The following DNAH1 variants were observed in gnomAD, a reference collection of about 807,000 sequenced individuals.
DNAH1 encodes the protein axonemal beta dynein heavy chain 1.
A neutral mutation model predicts 484.3 loss-of-function variants in DNAH1; 327 were observed. The ratio of observed to expected loss-of-function variants is 0.68; its 90% CI spans 0.62 to 0.74. The LOEUF is 0.74. DNAH1 is among the 30% of genes least tolerant of loss of function. The pLI, the probability that DNAH1 is intolerant of heterozygous loss-of-function variation, is 0.00. For missense variants in DNAH1, 5,052 were observed against 5,546.8 expected (o/e 0.91, Z 2.83); for synonymous variants, 2,192 against 2,191.9 (o/e 1.00, Z 0.00).
At chr3:52,375,467 G>T in intron 45 of DNAH1, 54 bp downstream of exon 45, 1 of 1,574,102 alleles carries the variant, frequency 6.4e-7, no homozygotes, top group Non-Finnish European at 8.6e-7. Flanking sequence ...GGCCAGGGAG[G>T]CCACACCAAG....
intron 34 of DNAH1, among the ~76,000 whole-genome samples, chr3:52,365,523 C>T (rs1272295066): frequency 1.3e-5 from 2 of 152,198 alleles, no homozygotes; most frequent in Admixed American, 6.5e-5. Context: ...GTTGCAAAGG[C>T]CACCATGTGT....
At position 52,371,955 on chromosome 3, in the gene DNAH1, G is replaced by A. The variant is rs1274947453; in HGVS notation, c.6535G>A (p.Val2179Met). ...CCACCTATGATTCCAGGTTGCCTGG[G>A]TGAAGTGGATGGACTCCTCAGCTCC... ...EEEEYKQVAWVKWMDSSAPFT... is the reference protein window; with the variant it reads ...EEEEYKQVAWMKWMDSSAPFT... The change falls in exon 42 of 78, where the codon GTG becomes ATG. Residue 2179 changes from valine to methionine, a missense_variant. By Grantham distance (21) the Val-to-Met change is conservative. Transcript: ENST00000420323. 6.2e-7 allele frequency: 1 copy of A among 1,613,430 alleles called. No individual in the cohort carries two copies. The highest frequency in any genetic ancestry group is 8.5e-7 in the Non-Finnish European group (1 of 1,179,776).
intron 65 of DNAH1, 108 bp from the exon 66 acceptor site, chr3:52,393,226 C>A: frequency 3.9e-6 from 6 of 1,549,916 alleles, no homozygotes; most frequent in Non-Finnish European, 5.3e-6. Context: ...CAAGAGGAGG[C>A]CCAGGCTGCC....
At position 52,357,928 on chromosome 3, in the gene DNAH1, A is replaced by G; in HGVS notation, c.4011A>G (p.Leu1337=). ...ACTTCCTGTCAGATGATGAACTACT[A>G]GAGATCTTGTCGCAGACAAAGGACC... ...RFYFLSDDEL[L]EILSQTKDPT... is the part of the protein sequence containing the mutation. The change falls in exon 24 of 78, where the codon CTA becomes CTG. Residue 1337 remains leucine, a synonymous_variant. Transcript: ENST00000420323. 1 of 1,613,130 alleles carries G rather than the reference A, an allele frequency of 6.2e-7. No homozygotes were observed. The highest frequency in any genetic ancestry group is 8.5e-7 in the Non-Finnish European group (1 of 1,179,696).
chr3:52,362,981 A>G lies in DNAH1; in HGVS notation c.5095-14A>G, dbSNP rs1240412989. 1 of 1,612,450 alleles carries G rather than the reference A, an allele frequency of 6.2e-7. No individual in the cohort carries two copies. The highest frequency in any genetic ancestry group is 8.5e-7 in the Non-Finnish European group (1 of 1,179,378). ...AGCTCTGTTTGCTGTTCACATGTGCACTGTGTGTCCCAGGCGCTCTTCCGA... is the reference window on the plus strand; with the variant it reads ...AGCTCTGTTTGCTGTTCACATGTGCGCTGTGTGTCCCAGGCGCTCTTCCGA... On this transcript the variant is annotated splice_polypyrimidine_tract_variant and intron_variant, in intron 31 of 77. Coordinates refer to ENST00000420323, the MANE Select transcript of DNAH1 (RefSeq NM_015512.5). This position sits in a 1 kb window ranked among gnomAD's most constrained non-coding sequence, Gnocchi z 5.1.
Position 52,396,404 on chromosome 3 carries a change from C to G in DNAH1, c.11296C>G (p.Pro3766Ala). 3.1e-6 allele frequency: 5 copies of G among 1,588,230 alleles called. No individual in the cohort carries two copies. Among genetic ancestry groups the G allele is most frequent in the Non-Finnish European group, 4.3e-6 (5 of 1,167,846 alleles). ...RDFRLWLTSL[P>A]SNKFPVSILQ... is the part of the protein sequence containing the mutation. ...CTTCCGCCTCTGGCTCACCAGCCTG[C>G]CCAGCAACAAGTTCCCAGTGTCCAT... Residue 3766 changes from proline to alanine, a missense_variant, in exon 71 of 78, where the codon CCC becomes GCC. Transcript: ENST00000420323.
At chr3:52,385,099 G>A in intron 53 of DNAH1, 122 bp downstream of exon 53, 1 of 1,258,228 alleles carries the variant, frequency 7.9e-7, no homozygotes, top group Non-Finnish European at 1.1e-6. Flanking sequence ...ACGTTGAAGT[G>A]GGTGGCTTCC....
intron 8 of DNAH1, among the ~76,000 whole-genome samples, chr3:52,333,678 C>T (rs1463106444): frequency 6.6e-6 from 1 of 152,180 alleles, no homozygotes; most frequent in Non-Finnish European, 1.5e-5. Flanking sequence ...CCACCATGCC[C>T]AGCCAACTTA....
Position 52,381,885 on chromosome 3 carries a change from G to C in DNAH1, c.7805+49G>C. ...GGCAGTGGGCGGCCAGGGCTGGCTG[G>C]TCGGTTTGACTGACCCATGCTTTTG... On this transcript the variant is annotated intron_variant, in intron 49 of 77. Transcript: ENST00000420323. The surrounding 1 kb of genome is among the most constrained non-coding windows in gnomAD (Gnocchi z 4.1). 3 of 1,526,392 alleles carry C rather than the reference G, an allele frequency of 2.0e-6. No individual in the cohort carries two copies. The highest frequency in any genetic ancestry group is 1.2e-5 in the South Asian group (1 of 81,650). The allele number at this position is 1,526,392 out of a possible 1,614,324, so 94.6% of individuals were successfully genotyped here.
Position 52,399,695 on chromosome 3 carries a change from A to G in DNAH1, c.12592A>G (p.Ile4198Val). 1 of 1,614,020 alleles carries G rather than the reference A, an allele frequency of 6.2e-7. No individual in the cohort carries two copies. The highest frequency in any genetic ancestry group is 8.5e-7 in the Non-Finnish European group (1 of 1,179,896). The change falls in exon 77 of 78, where the codon ATC becomes GTC. Residue 4198 changes from isoleucine to valine, a missense_variant. Ile to Val is a conservative substitution (Grantham distance 29, BLOSUM62 3). Coordinates refer to ENST00000420323, the MANE Select transcript of DNAH1 (RefSeq NM_015512.5). ...PKELYTEMAV[I>V]WLLPTPNRKA... ...GGAGCTGTACACAGAGATGGCCGTTATCTGGCTCTTGCCAACACCCAACCG... is the reference window on the plus strand; with the variant it reads ...GGAGCTGTACACAGAGATGGCCGTTGTCTGGCTCTTGCCAACACCCAACCG...
chr3:52,384,016 A>C lies in DNAH1; in HGVS notation c.8307A>C (p.Glu2769Asp). The C allele has an allele frequency of 1.2e-6, 2 of 1,606,116 alleles. No homozygotes were observed. Among genetic ancestry groups the C allele is most frequent in the Non-Finnish European group, 1.7e-6 (2 of 1,175,788 alleles). Reference protein sequence around the residue: ...NEIPELESSQEEIQGLIQVCV... With the variant: ...NEIPELESSQDEIQGLIQVCV... The stretch of plus-strand genomic sequence containing the variant: ...TCCCAGAACTGGAATCCTCCCAGGA[A>C]GAAATCCAAGGACTGGTGGGTGTCT... The change falls in exon 52 of 78, where the codon GAA becomes GAC. Residue 2769 changes from glutamate to aspartate, a missense_variant. Glu to Asp is a conservative substitution (Grantham distance 45). This residue lies in a region of DNAH1 where 2,929 missense variants were observed against 3,409.4 expected (regional missense o/e 0.86). Coordinates refer to ENST00000420323, the MANE Select transcript of DNAH1 (RefSeq NM_015512.5).
Position 52,399,695 on chromosome 3 carries a change from A to C in DNAH1, c.12592A>C (p.Ile4198Leu), listed in dbSNP as rs760230466. ...PKELYTEMAV[I>L]WLLPTPNRKA... ...GGAGCTGTACACAGAGATGGCCGTTATCTGGCTCTTGCCAACACCCAACCG... is the reference window on the plus strand; with the variant it reads ...GGAGCTGTACACAGAGATGGCCGTTCTCTGGCTCTTGCCAACACCCAACCG... Residue 4198 changes from isoleucine (I) to leucine (L), a missense_variant, in exon 77 of 78, where the codon ATC becomes CTC. Around this residue, in one of 4 missense-constraint regions of DNAH1, gnomAD observed 853 missense variants for 899.0 expected, o/e 0.95. Coordinates refer to ENST00000420323, the MANE Select transcript of DNAH1 (RefSeq NM_015512.5). 6.2e-7 allele frequency: 1 copy of C among 1,613,902 alleles called. No individual in the cohort carries two copies. The highest frequency in any genetic ancestry group is 8.5e-7 in the Non-Finnish European group (1 of 1,179,904).
At chr3:52,333,669 C>T (rs1401132747) in intron 8 of DNAH1, among the ~76,000 whole-genome samples, 1 of 152,160 alleles carries the variant, frequency 6.6e-6, no homozygotes, top group Non-Finnish European at 1.5e-5. Flanking sequence ...AGGTGTGAGC[C>T]ACCATGCCCA....
rs541597159 is a variant in DNAH1, at chr3:52,355,541, A to G, written c.3693+486A>G. On this transcript the variant is annotated intron_variant, in intron 21 of 77. Transcript: ENST00000420323. The surrounding 1 kb of genome is among the most constrained non-coding windows in gnomAD (Gnocchi z 4.5). Reference sequence around the variant, plus strand: ...GGACTGCACTTGTCTTGGGCTCTCAAGGCTAGAGGCAAGGGCTGCCCACAG... The same window carrying G: ...GGACTGCACTTGTCTTGGGCTCTCAGGGCTAGAGGCAAGGGCTGCCCACAG... 3.3e-5 allele frequency among the ~76,000 whole-genome samples: 5 copies of G among 152,318 alleles called. No individual in the cohort carries two copies. The South Asian group carries it at 1.0e-3, about 32-fold the overall frequency.
At chr3:52,326,527 C>T (rs1332116383) in intron 4 of DNAH1, among the ~76,000 whole-genome samples, 3 of 152,092 alleles carry the variant, frequency 2.0e-5, no homozygotes, top group African/African-American at 4.8e-5. Context: ...AATGGGACTG[C>T]GGGGCGGGAC....
Position 52,391,069 on chromosome 3 carries a change from C to A in DNAH1, c.9741+15C>A. The A allele has an allele frequency of 6.3e-7, 1 of 1,576,088 alleles. No homozygotes were observed. On this transcript the variant is annotated intron_variant, in intron 61 of 77. Transcript: ENST00000420323. ...TCAAGAACATGGTGAGCCCACCCACCAGGCACCACCACCCCACCCCAGCCA... is the reference window on the plus strand; with the variant it reads ...TCAAGAACATGGTGAGCCCACCCACAAGGCACCACCACCCCACCCCAGCCA...
chr3:52,357,026 GT>G (rs78790549), intron 22 of DNAH1, among the ~76,000 whole-genome samples: 218 of 132,658 alleles, frequency 1.6e-3, no homozygotes, highest in African/African-American at 1.7e-3. Context: ...TTGTTTGTCT[GT>G]TTTTTTTTTT....
At position 52,378,693 on chromosome 3, in the gene DNAH1, T is replaced by A; in HGVS notation, c.7290T>A (p.Thr2430=). 2 of 1,613,654 alleles carry A rather than the reference T, an allele frequency of 1.2e-6. No homozygotes were observed. The highest frequency in any genetic ancestry group is 2.2e-5 in the South Asian group (2 of 91,070). The part of the protein sequence containing the change: ...YATITSQLLP[T]PAKSHYTFNL... The stretch of plus-strand genomic sequence containing the variant: ...CCATCACCTCCCAGCTGCTGCCCAC[T>A]CCAGCCAAGTCCCACTACACCTTCA... The change falls in exon 47 of 78, where the codon ACT becomes ACA. Residue 2430 remains threonine (T), a synonymous_variant. Coordinates refer to ENST00000420323, the MANE Select transcript of DNAH1 (RefSeq NM_015512.5).
chr3:52,358,606 G>C lies in DNAH1; in HGVS notation c.4135G>C (p.Gly1379Arg). 6.2e-7 allele frequency: 1 copy of C among 1,613,220 alleles called. No homozygotes were observed. Among genetic ancestry groups the C allele is most frequent in the Non-Finnish European group, 8.5e-7 (1 of 1,179,734 alleles). Residue 1379 changes from glycine (G) to arginine (R), a missense_variant, in exon 25 of 78, where the codon GGG becomes CGG. Transcript: ENST00000420323. This position sits in a 1 kb window ranked among gnomAD's most constrained non-coding sequence, Gnocchi z 4.2. Reference protein sequence around the residue: ...LEITHMYSAEGEEVQLCFSIY... With the variant: ...LEITHMYSAEREEVQLCFSIY... ...GATCACGCACATGTACTCAGCCGAG[G>C]GGGAGGAGGTACAGTTGTGCTTCTC...
Sources: allele counts gnomAD v4.1 joint callset (sites outside exome capture counted in the v4.1 genomes callset), GRCh38; gene constraint gnomAD v4.1.1; regional missense constraint gnomAD v4.1.1; non-coding constraint Gnocchi (gnomAD v3.1); transcripts MANE v1.5; gene names NCBI Gene and HGNC (gene_info 2026-07-23, HGNC 2026-07-21).